LRRC72: variants seen among roughly 807,000 people sequenced by gnomAD.
LRRC72 encodes leucine-rich repeat-containing protein 72.
LRRC72 carries 41 observed loss-of-function variants against 35.8 expected under a neutral mutation model. The observed-to-expected ratio is 1.15, with a 90% confidence interval of 0.89 to 1.49. The LOEUF (loss-of-function observed/expected upper bound fraction) is 1.49. Ranked by LOEUF, LRRC72 falls within the 40% of genes most tolerant of loss-of-function variation. The probability of loss-of-function intolerance (pLI) is 0.00; values close to 1 mark genes in which losing one functional copy is unlikely to be tolerated. For missense variants in LRRC72, 389 were observed against 330.7 expected (o/e 1.18, Z -1.37); for synonymous variants, 118 against 119.2 (o/e 0.99, Z 0.07).
At chr7:16,564,513 GAA>G (rs60361120) in intron 5 of LRRC72, among the ~76,000 whole-genome samples, 2 of 144,470 alleles carry the variant, frequency 1.4e-5, no homozygotes, top group African/African-American at 5.0e-5. Context: ...AAGAAATCTT[GAA>G]AAAAAAAAAG....
At chr7:16,560,898 T>C (rs374213767) in intron 5 of LRRC72, among the ~76,000 whole-genome samples, 52 of 152,248 alleles carry the variant, frequency 3.4e-4, no homozygotes, top group African/African-American at 1.2e-3. Context: ...TGAATGTCTT[T>C]CCTGTTAAAA....
chr7:16,547,086 C>A (rs1410029679), intron 3 of LRRC72, among the ~76,000 whole-genome samples: 1 of 152,152 alleles, frequency 6.6e-6, no homozygotes, highest in Non-Finnish European at 1.5e-5. Flanking sequence ...GGACCCGCTC[C>A]CAGGCCCAGA....
intron 3 of LRRC72, among the ~76,000 whole-genome samples, chr7:16,548,275 G>C (rs1206820660): frequency 5.3e-5 from 8 of 152,162 alleles, no homozygotes; most frequent in Admixed American, 5.2e-4. Context: ...TGTAGGACAA[G>C]AACTCGAGAC....
At chr7:16,541,225 GC>G in intron 3 of LRRC72, among the ~76,000 whole-genome samples, 1 of 152,274 alleles carries the variant, frequency 6.6e-6, no homozygotes, top group South Asian at 2.1e-4. Context: ...TCTTCCGACA[GC>G]TTGTATTTGT....
intron 7 of LRRC72, among the ~76,000 whole-genome samples, chr7:16,578,956 C>T (rs943930945): frequency 6.6e-6 from 1 of 152,036 alleles, no homozygotes; most frequent in African/African-American, 2.4e-5. Flanking sequence ...TTGCCAGGTG[C>T]TGTGGGGAAG....
At chr7:16,580,703 A>G (rs1211983504) in intron 8 of LRRC72, among the ~76,000 whole-genome samples, 2 of 152,190 alleles carry the variant, frequency 1.3e-5, no homozygotes, top group African/African-American at 4.8e-5. Flanking sequence ...GTGGGGTTTT[A>G]TATTCCTTGT....
intron 5 of LRRC72, among the ~76,000 whole-genome samples, chr7:16,565,680 T>A (rs1749519840): frequency 6.6e-6 from 1 of 152,094 alleles, no homozygotes; most frequent in Non-Finnish European, 1.5e-5. Context: ...CATTAGGAAG[T>A]GCGGTTTATC....
At chr7:16,561,626 T>C (rs1416222101) in intron 5 of LRRC72, among the ~76,000 whole-genome samples, 1 of 152,234 alleles carries the variant, frequency 6.6e-6, no homozygotes, top group East Asian at 1.9e-4. Flanking sequence ...GTTACATAAC[T>C]ATAACTTTCC....
intron 2 of LRRC72, among the ~76,000 whole-genome samples, chr7:16,535,696 G>C (rs1435330547): frequency 1.3e-5 from 2 of 152,146 alleles, no homozygotes; most frequent in East Asian, 3.9e-4. Flanking sequence ...CAAGAGTGGG[G>C]CAGACTGACG....
chr7:16,542,369 T>C (rs1782372760), intron 3 of LRRC72, among the ~76,000 whole-genome samples: 1 of 152,310 alleles, frequency 6.6e-6, no homozygotes, highest in Admixed American at 6.5e-5. Context: ...TGCAACAAAC[T>C]ATATTATTTC....
In LRRC72 at chr7:16,539,664, G is replaced by A. The variant is rs550371186; in HGVS notation, c.234+1968G>A. ...CAGGGCATCAAAGGCCCAGGGCCCC[G>A]CTGCTCTGTGCAGCCTCAGGACTTG... On this transcript the variant is annotated intron_variant, in intron 3 of 8. Transcript: ENST00000401542. Among the ~76,000 whole-genome samples, 12 of 152,256 alleles carry A rather than the reference G, an allele frequency of 7.9e-5. No individual in the cohort carries two copies. In the South Asian group the frequency reaches 2.1e-3, roughly 26 times the overall value.
At position 16,581,321 on chromosome 7, in the gene LRRC72, C is replaced by A; in HGVS notation, c.699-3C>A. ...TTCTGACATAATTGCTTTTTTTTTG[C>A]AGAACTGTGCTTGATGACCCAGAAG... On this transcript the variant is annotated splice_polypyrimidine_tract_variant and splice_region_variant and intron_variant, in intron 8 of 8. Coordinates refer to ENST00000401542, the MANE Select transcript of LRRC72 (RefSeq NM_001195280.2). The A allele has an allele frequency of 1.4e-6, 2 of 1,427,778 alleles. No individual in the cohort carries two copies. The highest frequency in any genetic ancestry group is 1.6e-5 in the South Asian group (1 of 62,800). The allele number at this position is 1,427,778 out of a possible 1,614,324, so 88.4% of individuals were successfully genotyped here.
chr7:16,547,252 G>A (rs1782459206), intron 3 of LRRC72, among the ~76,000 whole-genome samples: 1 of 152,196 alleles, frequency 6.6e-6, no homozygotes, highest in Admixed American at 6.5e-5. Context: ...GGGAGCTGCT[G>A]CAATGGGGCC....
chr7:16,564,386 T>TTTAAAATCTGTCC (rs147615337), intron 5 of LRRC72, among the ~76,000 whole-genome samples: 12,133 of 152,212 alleles, frequency 0.08, 1,661 homozygotes, highest in African/African-American at 0.28. Context: ...CAATGGCTCT[T>TTTAAAATCTGTCC]TTATTAGTGG....
chr7:16,532,585 TA>T lies in LRRC72; in HGVS notation c.164+23del. The T allele has an allele frequency of 1.3e-6, 2 of 1,504,566 alleles. No homozygotes were observed. Among genetic ancestry groups the T allele is most frequent in the Non-Finnish European group, 1.8e-6 (2 of 1,104,962 alleles). 93.2% of individuals were successfully genotyped at this position (1,504,566 alleles called of 1,614,324 possible). On this transcript the variant is annotated intron_variant, in intron 2 of 8. Coordinates refer to ENST00000401542, the MANE Select transcript of LRRC72 (RefSeq NM_001195280.2). ...TTCTAAAAAGTAAGTGTACTTAACA[TA>T]AAAAATGAAAGAGTATCATGTTATC...
chr7:16,540,452 T>C (rs1410757415), intron 3 of LRRC72, among the ~76,000 whole-genome samples: 2 of 152,200 alleles, frequency 1.3e-5, no homozygotes, highest in Non-Finnish European at 2.9e-5. Context: ...ACTTTGGACT[T>C]GGACTTTTGG....
chr7:16,542,283 T>C (rs756363968), intron 3 of LRRC72, among the ~76,000 whole-genome samples: 10 of 152,226 alleles, frequency 6.6e-5, no homozygotes, highest in Non-Finnish European at 1.0e-4. Context: ...TTTTACTTTC[T>C]TTTGTTTTTG....
At chr7:16,565,630 G>A (rs1218099537) in intron 5 of LRRC72, among the ~76,000 whole-genome samples, 1 of 152,112 alleles carries the variant, frequency 6.6e-6, no homozygotes, top group Non-Finnish European at 1.5e-5. Flanking sequence ...AAGTGCCAGG[G>A]CTGCTTCTGC....
chr7:16,574,304 T>C (rs991150349), intron 7 of LRRC72, among the ~76,000 whole-genome samples: 6 of 152,334 alleles, frequency 3.9e-5, no homozygotes, highest in East Asian at 1.9e-4. Flanking sequence ...ACTGGGTATA[T>C]ACCCAAAGGA....
Sources: allele counts gnomAD v4.1 joint callset (sites outside exome capture counted in the v4.1 genomes callset), GRCh38; gene constraint gnomAD v4.1.1; transcripts MANE v1.5; gene names NCBI Gene and HGNC (gene_info 2026-07-23, HGNC 2026-07-21).